The following PHTF2 variants were observed in gnomAD, a reference collection of about 807,000 sequenced individuals.
The protein encoded by PHTF2 is putative homeodomain transcription factor 2.
In PHTF2, 60 loss-of-function variants were observed where a neutral mutation model predicts 101.2. That is an observed-to-expected ratio of 0.59 (90% CI 0.48 to 0.73). PHTF2 has a LOEUF of 0.73. Among genes scored for constraint, PHTF2 ranks in the 30% least tolerant of loss-of-function variants. The probability of loss-of-function intolerance (pLI) is 0.00; values close to 1 mark genes in which losing one functional copy is unlikely to be tolerated. For synonymous variants in PHTF2, 311 were observed against 307.3 expected (o/e 1.01, Z -0.13); for missense variants, 747 against 908.7 (o/e 0.82, Z 2.29).
intron 9 of PHTF2, among the ~76,000 whole-genome samples, chr7:77,917,414 G>T (rs1228211271): frequency 1.3e-5 from 2 of 152,166 alleles, no homozygotes; most frequent in African/African-American, 4.8e-5. Flanking sequence ...CCTTTTCAGT[G>T]AGCACAGCTA....
intron 11 of PHTF2, among the ~76,000 whole-genome samples, chr7:77,925,627 A>T (rs1803917174): frequency 6.8e-6 from 1 of 147,336 alleles, no homozygotes; most frequent in South Asian, 2.2e-4. Context: ...CTCCTGCCTC[A>T]GCTAATTTTT....
intron 12 of PHTF2, among the ~76,000 whole-genome samples, chr7:77,931,592 G>A (rs117319078): frequency 0.012 from 1,855 of 152,294 alleles, 15 homozygotes; most frequent in Middle Eastern, 0.031. Flanking sequence ...GCAAGAATGT[G>A]AAGAGAGAAC....
At chr7:77,807,602 C>G (rs1339930660) in intron 1 of PHTF2, among the ~76,000 whole-genome samples, 1 of 152,036 alleles carries the variant, frequency 6.6e-6, no homozygotes, top group East Asian at 1.9e-4. Context: ...GAATATCAAC[C>G]CCTTACCAGA....
At chr7:77,922,711 A>G in exon 11 of PHTF2, 4 of 1,609,712 alleles carry the variant, frequency 2.5e-6, no homozygotes, top group Non-Finnish European at 3.4e-6. Context: ...CGTCATGTGG[A>G]CAGGACTTCT....
At chr7:77,816,799 C>T (rs1159894610) in intron 1 of PHTF2, among the ~76,000 whole-genome samples, 1 of 152,186 alleles carries the variant, frequency 6.6e-6, no homozygotes, top group Non-Finnish European at 1.5e-5. Flanking sequence ...TTAGCTTCTA[C>T]TTATGAGTGA....
chr7:77,934,627 A>C (rs550774607), intron 12 of PHTF2, among the ~76,000 whole-genome samples: 1 of 152,376 alleles, frequency 6.6e-6, no homozygotes, highest in African/African-American at 2.4e-5. Flanking sequence ...AAGGTAAAAA[A>C]AAATTTTAAG....
chr7:77,935,699 T>C (rs1246416123), intron 12 of PHTF2, among the ~76,000 whole-genome samples: 1 of 152,198 alleles, frequency 6.6e-6, no homozygotes, highest in Non-Finnish European at 1.5e-5. Flanking sequence ...TATTTCTGTC[T>C]CTAGATGGGC....
At chr7:77,891,396 C>T (rs1800391200) in intron 3 of PHTF2, among the ~76,000 whole-genome samples, 1 of 152,128 alleles carries the variant, frequency 6.6e-6, no homozygotes, top group Admixed American at 6.5e-5. Flanking sequence ...TGAGGGGCAA[C>T]TAGTCACCGC....
At chr7:77,949,350 A>G (rs142595370) in intron 16 of PHTF2, among the ~76,000 whole-genome samples, 1 of 152,296 alleles carries the variant, frequency 6.6e-6, no homozygotes, top group East Asian at 1.9e-4. Context: ...TGGAAAAGAT[A>G]AACATAAAAT....
chr7:77,856,232 GT>G (rs1797171033), intron 3 of PHTF2, among the ~76,000 whole-genome samples: 2 of 152,278 alleles, frequency 1.3e-5, no homozygotes, highest in South Asian at 4.1e-4. Context: ...AAAAATAAAT[GT>G]TTAAGTGGTT....
intron 18 of PHTF2, among the ~76,000 whole-genome samples, chr7:77,952,599 AT>A (rs1322009517): frequency 3.9e-5 from 6 of 152,226 alleles, no homozygotes; most frequent in African/African-American, 1.4e-4. Flanking sequence ...TGGGAAAAAA[AT>A]ATCTTGAATT....
intron 3 of PHTF2, among the ~76,000 whole-genome samples, chr7:77,861,072 G>GT (rs1399295247): frequency 1.3e-5 from 2 of 152,060 alleles, no homozygotes; most frequent in African/African-American, 4.8e-5. Context: ...GAAGTGGTCA[G>GT]TTTTCCTTTG....
At chr7:77,845,356 G>A (rs570581130) in intron 2 of PHTF2, among the ~76,000 whole-genome samples, 3 of 152,180 alleles carry the variant, frequency 2.0e-5, no homozygotes, top group Non-Finnish European at 4.4e-5. Context: ...TGGCAACATT[G>A]TATAGTCATA....
At chr7:77,821,058 A>G (rs953331742) in intron 1 of PHTF2, among the ~76,000 whole-genome samples, 4 of 152,016 alleles carry the variant, frequency 2.6e-5, no homozygotes, top group Admixed American at 2.0e-4. Flanking sequence ...TTGCCTGTCT[A>G]TGAAAGGTTT....
intron 1 of PHTF2, among the ~76,000 whole-genome samples, chr7:77,832,214 C>T (rs1365166575): frequency 2.0e-5 from 3 of 152,042 alleles, no homozygotes; most frequent in East Asian, 3.9e-4. Flanking sequence ...GCATTCAAAG[C>T]CAAACTGGAA....
chr7:77,865,454 TG>T (rs1390202624), intron 3 of PHTF2, among the ~76,000 whole-genome samples: 2 of 152,182 alleles, frequency 1.3e-5, no homozygotes, highest in Non-Finnish European at 2.9e-5. Flanking sequence ...CTCAAACTCC[TG>T]ACCTCATGTT....
At chr7:77,908,816 T>A in exon 8 of PHTF2, 1 of 1,606,794 alleles carries the variant, frequency 6.2e-7, no homozygotes, top group South Asian at 1.1e-5. Context: ...ATTATTCTGC[T>A]CCACTTCTAG....
intron 2 of PHTF2, among the ~76,000 whole-genome samples, chr7:77,844,146 T>A (rs1470647539): frequency 2.6e-5 from 4 of 152,050 alleles, no homozygotes; most frequent in Non-Finnish European, 5.9e-5. Context: ...TACAGGCTCA[T>A]GCCACCACAC....
intron 1 of PHTF2, among the ~76,000 whole-genome samples, chr7:77,814,551 C>T (rs1406255441): frequency 1.4e-5 from 2 of 147,082 alleles, no homozygotes; most frequent in Admixed American, 6.8e-5. Flanking sequence ...CTTACTCTGT[C>T]GCCAGGCTGG....
Sources: gnomAD v4.1 joint callset for allele counts (sites outside exome capture counted in the v4.1 genomes callset) on GRCh38, gnomAD v4.1.1 for gene constraint, MANE v1.5 for transcripts, NCBI Gene and HGNC (gene_info 2026-07-23, HGNC 2026-07-21) for gene names.